The following SV2C variants were observed in gnomAD, a reference collection of about 807,000 sequenced individuals.
SV2C encodes synaptic vesicle glycoprotein 2C.
In SV2C, 49 loss-of-function variants were observed where a neutral mutation model predicts 79.7. The observed-to-expected ratio is 0.61, with a 90% CI of 0.49 to 0.78. SV2C has a LOEUF of 0.78. Among genes scored for constraint, SV2C ranks in the 30% least tolerant of loss-of-function variants. The pLI is 0.00. For synonymous variants in SV2C, 334 were observed against 333.2 expected, an observed-to-expected ratio of 1.00 and a Z score of -0.03; for missense variants, 833 against 912.9, an observed-to-expected ratio of 0.91 and a Z score of 1.13.
the SV2C span, among the ~76,000 whole-genome samples, chr5:76,010,089 C>A: frequency 6.7e-6 from 1 of 149,658 alleles, no homozygotes; most frequent in Non-Finnish European, 1.5e-5. Context: ...CTGTTGTATC[C>A]CCAGCACCTA....
At chr5:76,220,617 T>TAA (rs5868813) in intron 4 of SV2C, among the ~76,000 whole-genome samples, 2,056 of 127,608 alleles carry the variant, frequency 0.016, 26 homozygotes, top group Non-Finnish European at 0.018. Context: ...GACACTGTCT[T>TAA]AAAAAAAAAA....
chr5:75,938,533 A>G, the SV2C span, among the ~76,000 whole-genome samples: 3 of 152,214 alleles, frequency 2.0e-5, no homozygotes, highest in African/African-American at 7.2e-5. Flanking sequence ...TTGAGCTAAA[A>G]AAGCTAAACA....
the SV2C span, among the ~76,000 whole-genome samples, chr5:76,036,088 A>G: frequency 6.6e-6 from 1 of 151,160 alleles, no homozygotes; most frequent in East Asian, 1.9e-4. Context: ...TTTGTTTTCC[A>G]TTTGCTTGGT....
At chr5:76,338,263 C>T (rs748947183), downstream of SV2C, among the ~76,000 whole-genome samples, 24 of 152,256 alleles carry the variant, frequency 1.6e-4, no homozygotes, top group Non-Finnish European at 3.2e-4. Context: ...CCAGCAGTCA[C>T]CTGCCTTCAG....
the SV2C span, among the ~76,000 whole-genome samples, chr5:75,871,961 C>A: frequency 6.8e-6 from 1 of 147,092 alleles, no homozygotes; most frequent in Non-Finnish European, 1.5e-5. Context: ...CATGCTAGTA[C>A]ACACACGTAT....
At chr5:75,968,727 T>G in the SV2C span, among the ~76,000 whole-genome samples, 1 of 152,190 alleles carries the variant, frequency 6.6e-6, no homozygotes, top group Admixed American at 6.5e-5. Context: ...GATAGGAGAA[T>G]GGAACCAAGT....
At position 76,104,641 on chromosome 5, in the gene SV2C, A is replaced by G. The variant is rs1232772372; in HGVS notation, c.-102+21129A>G. ...CACTTCCTTCTTGTGCTAATTATTA[A>G]CATACTCTCTAGCTCCTAACCTACC... On this transcript the variant is annotated intron_variant, in intron 1 of 12. Transcript: ENST00000502798. Among the ~76,000 whole-genome samples, 4 of 152,184 alleles carry G rather than the reference A, an allele frequency of 2.6e-5. No individual in the cohort carries two copies. In the East Asian group the frequency reaches 7.7e-4, roughly 29 times the overall value.
the SV2C span, among the ~76,000 whole-genome samples, chr5:76,035,973 T>A: frequency 2.0e-5 from 3 of 152,344 alleles, no homozygotes; most frequent in East Asian, 5.8e-4. Context: ...GCTCTTCTTG[T>A]TGAATTGATC....
chr5:76,093,895 AT>A (rs1166316455), intron 1 of SV2C, among the ~76,000 whole-genome samples: 1 of 152,144 alleles, frequency 6.6e-6, no homozygotes, highest in Non-Finnish European at 1.5e-5. Context: ...TCCCATATTT[AT>A]TTTAAGGATG....
intron 12 of SV2C, among the ~76,000 whole-genome samples, chr5:76,302,638 A>G (rs1748051037): frequency 6.6e-6 from 1 of 150,782 alleles, no homozygotes; most frequent in African/African-American, 2.4e-5. Context: ...CTCAAAAAAA[A>G]AAAAAAAAAA....
intron 4 of SV2C, among the ~76,000 whole-genome samples, chr5:76,238,017 C>G (rs1288944998): frequency 1.4e-5 from 2 of 138,382 alleles, no homozygotes; most frequent in Non-Finnish European, 3.2e-5. Context: ...CATATACACA[C>G]AATCACACAT....
chr5:76,342,650 C>T (rs1749465185), intron 12 of SV2C, among the ~76,000 whole-genome samples: 1 of 152,212 alleles, frequency 6.6e-6, no homozygotes, highest in South Asian at 2.1e-4. Context: ...CAGACCTGAG[C>T]TCACACCTAA....
At chr5:76,257,386 C>T (rs532914902) in intron 4 of SV2C, among the ~76,000 whole-genome samples, 73 of 146,114 alleles carry the variant, frequency 5.0e-4, no homozygotes, top group Admixed American at 4.6e-3. Flanking sequence ...GTGGGGGGTG[C>T]GTGTAGTATG....
At chr5:76,270,989 G>C (rs920750884) in intron 4 of SV2C, among the ~76,000 whole-genome samples, 1 of 152,120 alleles carries the variant, frequency 6.6e-6, no homozygotes, top group South Asian at 2.1e-4. Flanking sequence ...CGCTGATCTC[G>C]AACTGCTGAC....
chr5:76,021,157 T>C, the SV2C span, among the ~76,000 whole-genome samples: 2 of 152,192 alleles, frequency 1.3e-5, no homozygotes, highest in Admixed American at 1.3e-4. Flanking sequence ...GCAGCAGTGC[T>C]CTTTATAAGA....
At chr5:76,068,898 T>A in the SV2C span, among the ~76,000 whole-genome samples, 2 of 152,142 alleles carry the variant, frequency 1.3e-5, no homozygotes, top group Non-Finnish European at 2.9e-5. Flanking sequence ...AGTAAAATGT[T>A]TCTTATAATA....
At chr5:76,244,313 C>T (rs1275481190) in intron 4 of SV2C, among the ~76,000 whole-genome samples, 1 of 152,190 alleles carries the variant, frequency 6.6e-6, no homozygotes, top group Non-Finnish European at 1.5e-5. Context: ...TATAGAGCCC[C>T]TGTTGTACAC....
chr5:75,880,262 AT>A, the SV2C span, among the ~76,000 whole-genome samples: 20 of 151,920 alleles, frequency 1.3e-4, no homozygotes, highest in African/African-American at 4.8e-4. Context: ...ACCAAGATAC[AT>A]TTGGATTCTT....
chr5:76,044,864 T>A, the SV2C span, among the ~76,000 whole-genome samples: 1 of 152,204 alleles, frequency 6.6e-6, no homozygotes, highest in South Asian at 2.1e-4. Flanking sequence ...ATTCTGTAGA[T>A]TGTCTGTTCA....
Sources: gnomAD v4.1 joint callset for allele counts (sites outside exome capture counted in the v4.1 genomes callset) on GRCh38, gnomAD v4.1.1 for gene constraint, MANE v1.5 for transcripts, NCBI Gene and HGNC (gene_info 2026-07-23, HGNC 2026-07-21) for gene names.